The following OPCML variants were observed in gnomAD, a reference collection of about 807,000 sequenced individuals.
OPCML encodes the protein opioid-binding protein/cell adhesion molecule.
OPCML carries 13 observed loss-of-function variants against 37.8 expected under a neutral mutation model. That is an observed-to-expected ratio of 0.34 (90% confidence interval 0.22 to 0.55). The LOEUF (loss-of-function observed/expected upper bound fraction) is 0.55, where lower values mean the gene tolerates loss of function less well. Ranked by LOEUF, OPCML falls within the 20% of genes least tolerant of loss-of-function variation. The probability of loss-of-function intolerance (pLI) is 0.91; values close to 1 mark genes in which losing one functional copy is unlikely to be tolerated. For missense variants in OPCML, 341 were observed against 435.6 expected, an observed-to-expected ratio of 0.78 and a Z score of 1.93; for synonymous variants, 176 against 168.8, an observed-to-expected ratio of 1.04 and a Z score of -0.33.
At position 133,532,285 on chromosome 11, in the gene OPCML, T is replaced by G; in HGVS notation, c.40A>C (p.Thr14Pro). ...PAYWVVFSAT[T>P]ALLFIPGVPV... Reference sequence around the variant, plus strand: ...GTACCTGGGATGAAGAGCAGGGCAGTTGTCGCCGAGAAGACGACCCAGTAG... The same window carrying G: ...GTACCTGGGATGAAGAGCAGGGCAGGTGTCGCCGAGAAGACGACCCAGTAG... Residue 14 changes from threonine (T) to proline (P), a missense_variant, in exon 1 of 8, where the codon ACT (threonine) becomes CCT (proline). Coordinates refer to ENST00000524381, the MANE Select transcript of OPCML (RefSeq NM_001012393.5). 6.2e-7 allele frequency: 1 copy of G among 1,613,996 alleles called. No individual in the cohort carries two copies.
At chr11:132,813,146 A>AT (rs937937276) in intron 2 of OPCML, among the ~76,000 whole-genome samples, 4 of 151,866 alleles carry the variant, frequency 2.6e-5, no homozygotes, top group Admixed American at 6.6e-5. Flanking sequence ...CTCAGTACAC[A>AT]TTTTTTTTAG....
intron 1 of OPCML, among the ~76,000 whole-genome samples, chr11:133,367,048 G>A (rs185353604): frequency 2.0e-5 from 3 of 152,040 alleles, no homozygotes; most frequent in Non-Finnish European, 4.4e-5. Flanking sequence ...GCGGTGTCTC[G>A]GTTCAATGCA....
In OPCML at chr11:132,437,428, T is replaced by C. The variant is rs1592172298; in HGVS notation, c.506-69A>G. ...AACCAGGGACAGAACCATATTCACA[T>C]CTAGAGATTGTAGGAGGAGGAAGAG... On this transcript the variant is annotated intron_variant, in intron 4 of 7. Transcript: ENST00000524381. The C allele has an allele frequency of 1.8e-5, 28 of 1,575,740 alleles. No homozygotes were observed. In the East Asian group the frequency reaches 6.2e-4, roughly 35 times the overall value.
chr11:132,546,429 C>G (rs1262945791), intron 3 of OPCML, among the ~76,000 whole-genome samples: 1 of 152,156 alleles, frequency 6.6e-6, no homozygotes, highest in African/African-American at 2.4e-5. Context: ...CTCCTTCACC[C>G]TTCTCCCACC....
chr11:133,473,957 T>C (rs1947177007), intron 1 of OPCML, among the ~76,000 whole-genome samples: 1 of 152,246 alleles, frequency 6.6e-6, no homozygotes, highest in Non-Finnish European at 1.5e-5. Context: ...TGGAATGGAT[T>C]CTAATTGAGA....
rs113457808 is a variant in OPCML, at chr11:133,468,663, T to C, written c.61+63601A>G. ...TGACTGAGAGCCCTTGCGGGCACCT[T>C]GGCCCCAAGGGACAATAGGTTGCTT... On this transcript the variant is annotated intron_variant, in intron 1 of 7. Transcript: ENST00000524381. Among the ~76,000 whole-genome samples the C allele has an allele frequency of 8.6e-3, 1,304 of 152,300 alleles. 15 individuals carry two copies. Among genetic ancestry groups the C allele is most frequent in the African/African-American group, 0.029 (1,224 of 41,578 alleles).
At chr11:133,380,610 T>A (rs1339735282) in intron 1 of OPCML, among the ~76,000 whole-genome samples, 1 of 152,214 alleles carries the variant, frequency 6.6e-6, no homozygotes, top group Non-Finnish European at 1.5e-5. Context: ...TTAATTGATA[T>A]CTTAGCTAAA....
At chr11:133,356,500 T>A (rs1944293967) in intron 1 of OPCML, among the ~76,000 whole-genome samples, 3 of 152,186 alleles carry the variant, frequency 2.0e-5, no homozygotes, top group Non-Finnish European at 4.4e-5. Flanking sequence ...CAGAGGGTTG[T>A]CAGGCGCCTT....
rs182274466 is a variant in OPCML, at chr11:132,549,545, G to A, written c.380-20359C>T. On this transcript the variant is annotated intron_variant, in intron 3 of 7. Coordinates refer to ENST00000524381, the MANE Select transcript of OPCML (RefSeq NM_001012393.5). ...AGAAGAAATCACTTAGGCAGATAGC[G>A]AGGGTATGGGAGTCCTTGGGAAGGC... Among the ~76,000 whole-genome samples the A allele has an allele frequency of 3.9e-5, 6 of 152,314 alleles. No individual in the cohort carries two copies. In the East Asian group the frequency reaches 7.7e-4, roughly 20 times the overall value.
At chr11:133,071,853 A>G (rs1948543261) in intron 1 of OPCML, among the ~76,000 whole-genome samples, 1 of 152,200 alleles carries the variant, frequency 6.6e-6, no homozygotes, top group African/African-American at 2.4e-5. Flanking sequence ...TTTTATTCCT[A>G]AAATCCTGCA....
In OPCML at chr11:133,015,435, G is replaced by T. The variant is rs867904843; in HGVS notation, c.62-72425C>A. ...AGGAAGGAAGGAAGGAAGGAATGAA[G>T]GAAGGAAGGAAGGAAGGAATGAAGG... On this transcript the variant is annotated intron_variant, in intron 1 of 7. Transcript: ENST00000524381. 7.6e-3 allele frequency among the ~76,000 whole-genome samples: 809 copies of T among 105,780 alleles called. 8 individuals carry two copies. The highest frequency in any genetic ancestry group is 0.013 in the African/African-American group (408 of 32,206). 69.4% of individuals were successfully genotyped at this position (105,780 alleles called of 152,430 possible). A position where few individuals can be genotyped will look rare whatever the true frequency, so the allele number is the denominator to read the frequency against.
intron 2 of OPCML, among the ~76,000 whole-genome samples, chr11:132,725,858 C>T (rs974000891): frequency 2.6e-5 from 4 of 151,838 alleles, no homozygotes; most frequent in Non-Finnish European, 4.4e-5. Context: ...TTCCACAAAT[C>T]TCTTAGGCAG....
intron 1 of OPCML, among the ~76,000 whole-genome samples, chr11:132,960,867 C>T (rs1946078306): frequency 1.3e-5 from 2 of 152,160 alleles, no homozygotes; most frequent in South Asian, 4.1e-4. Context: ...GAAGAGAATA[C>T]TGGAGACTGG....
At chr11:133,416,190 A>G (rs1219520455) in intron 1 of OPCML, among the ~76,000 whole-genome samples, 1 of 124,890 alleles carries the variant, frequency 8.0e-6, no homozygotes, top group Non-Finnish European at 1.5e-5. Context: ...TCTTCAAGAT[A>G]AAAAAAAAAC....
At chr11:133,054,805 C>A in intron 1 of OPCML, among the ~76,000 whole-genome samples, 1 of 152,196 alleles carries the variant, frequency 6.6e-6, no homozygotes, top group Admixed American at 6.5e-5. Flanking sequence ...CTATACAATG[C>A]TGCCTCCATG....
intron 1 of OPCML, among the ~76,000 whole-genome samples, chr11:133,181,445 A>G (rs1937828080): frequency 6.7e-6 from 1 of 149,040 alleles, no homozygotes. Flanking sequence ...ATCTGCAATT[A>G]ACTCAGAATA....
intron 1 of OPCML, among the ~76,000 whole-genome samples, chr11:133,464,919 G>A (rs560851908): frequency 1.3e-5 from 2 of 152,272 alleles, no homozygotes; most frequent in East Asian, 1.9e-4. Context: ...GGGTACCGCA[G>A]CTCTGAGCAG....
chr11:132,903,489 A>C (rs1374770215), intron 2 of OPCML, among the ~76,000 whole-genome samples: 1 of 152,228 alleles, frequency 6.6e-6, no homozygotes, highest in African/African-American at 2.4e-5. Flanking sequence ...TTCCAAAGTT[A>C]ACCTGAAAAA....
chr11:133,055,530 C>A (rs573237582), intron 1 of OPCML, among the ~76,000 whole-genome samples: 1 of 149,152 alleles, frequency 6.7e-6, no homozygotes, highest in South Asian at 2.1e-4. Flanking sequence ...ATGAGGGAGA[C>A]GCCTCTACCG....
Sources: allele counts gnomAD v4.1 joint callset (sites outside exome capture counted in the v4.1 genomes callset), GRCh38; gene constraint gnomAD v4.1.1; transcripts MANE v1.5; gene names NCBI Gene and HGNC (gene_info 2026-07-23, HGNC 2026-07-21).